Variants in FAM81A observed in about 807,000 individuals in gnomAD.
The protein encoded by FAM81A is protein FAM81A.
A neutral mutation model predicts 46.7 loss-of-function variants in FAM81A; 19 were observed. That is an observed-to-expected ratio of 0.41 (90% CI 0.28 to 0.60). FAM81A has a LOEUF of 0.60. Among genes scored for constraint, FAM81A ranks in the 20% least tolerant of loss-of-function variants. The pLI is 0.34. For missense variants in FAM81A, 377 were observed against 453.5 expected (o/e 0.83, Z 1.53); for synonymous variants, 183 against 152.9 (o/e 1.20, Z -1.45).
intron 3 of FAM81A, among the ~76,000 whole-genome samples, chr15:59,471,845 A>G (rs912128150): frequency 1.3e-5 from 2 of 152,172 alleles, no homozygotes; most frequent in Non-Finnish European, 2.9e-5. Flanking sequence ...TACTAAGGAC[A>G]AGGATTCACT....
At chr15:59,487,693 C>A (rs1289060609) in intron 3 of FAM81A, among the ~76,000 whole-genome samples, 1 of 151,996 alleles carries the variant, frequency 6.6e-6, no homozygotes, top group Admixed American at 6.6e-5. Flanking sequence ...CAACCTACCA[C>A]AATTGAATAA....
chr15:59,512,139 T>C (rs1167551715), intron 6 of FAM81A, among the ~76,000 whole-genome samples: 1 of 151,970 alleles, frequency 6.6e-6, no homozygotes, highest in East Asian at 1.9e-4. Flanking sequence ...GAAAAATGAG[T>C]AGAAAACTCA....
intron 2 of FAM81A, among the ~76,000 whole-genome samples, chr15:59,432,551 CA>C (rs113777542): frequency 4.3e-4 from 66 of 152,314 alleles, no homozygotes; most frequent in African/African-American, 1.5e-3. Context: ...CTGGTACCTA[CA>C]AGGCACAGCT....
At chr15:59,492,817 T>TGAAAAGTGCTATTTTCTC (rs2081995399) in intron 4 of FAM81A, among the ~76,000 whole-genome samples, 1 of 152,212 alleles carries the variant, frequency 6.6e-6, no homozygotes, top group Non-Finnish European at 1.5e-5. Flanking sequence ...CTTCTCAGTA[T>TGAAAAGTGCTATTTTCTC]GAAAAGTGCT....
At chr15:59,495,759 G>A (rs2141770504) in intron 4 of FAM81A, among the ~76,000 whole-genome samples, 1 of 152,286 alleles carries the variant, frequency 6.6e-6, no homozygotes, top group African/African-American at 2.4e-5. Context: ...GCATCCCCCT[G>A]AGGACTAATG....
rs1469158122 is a variant in FAM81A, at chr15:59,516,648, G to A, written c.790G>A (p.Ala264Thr). The A allele has an allele frequency of 1.9e-6, 3 of 1,609,480 alleles. No homozygotes were observed. The African/African-American group carries it at 4.0e-5, about 22-fold the overall frequency. The change falls in exon 8 of 9, where the codon GCC becomes ACC. Residue 264 changes from alanine (A) to threonine (T), a missense_variant. Ala to Thr is a moderately conservative substitution (Grantham distance 58, BLOSUM62 0). Transcript: ENST00000288228. Reference protein sequence around the residue: ...LSLIVKENSGASERDMEKKLS... With the variant: ...LSLIVKENSGTSERDMEKKLS... ...CAGTTCTTATCATGGATCTCAGGGAGCCAGTGAAAGGGATATGGAGAAGAA... is the reference window on the plus strand; with the variant it reads ...CAGTTCTTATCATGGATCTCAGGGAACCAGTGAAAGGGATATGGAGAAGAA...
intron 2 of FAM81A, among the ~76,000 whole-genome samples, chr15:59,431,367 T>C (rs1189211445): frequency 6.6e-6 from 1 of 152,162 alleles, no homozygotes; most frequent in Non-Finnish European, 1.5e-5. Flanking sequence ...CCTGAGTAGC[T>C]GGGATTACAG....
intron 3 of FAM81A, among the ~76,000 whole-genome samples, chr15:59,475,526 G>A (rs1016656207): frequency 2.0e-5 from 3 of 152,126 alleles, no homozygotes; most frequent in East Asian, 1.9e-4. Flanking sequence ...TTTTCCCAAC[G>A]TCCGAAACAC....
chr15:59,421,228 C>T (rs1324550479), intron 2 of FAM81A, among the ~76,000 whole-genome samples: 1 of 152,170 alleles, frequency 6.6e-6, no homozygotes, highest in Non-Finnish European at 1.5e-5. Flanking sequence ...CACACTTCGA[C>T]GGGCAATGTT....
intron 2 of FAM81A, among the ~76,000 whole-genome samples, chr15:59,403,959 C>A (rs527551033): frequency 2.6e-5 from 4 of 151,118 alleles, no homozygotes; most frequent in African/African-American, 9.7e-5. Context: ...TCTCGGCTCA[C>A]TGCAACCTCT....
chr15:59,405,916 G>A (rs1327404851), intron 2 of FAM81A, among the ~76,000 whole-genome samples: 1 of 152,174 alleles, frequency 6.6e-6, no homozygotes, highest in Non-Finnish European at 1.5e-5. Flanking sequence ...GTCTCCTAGG[G>A]CAGCCAGTCT....
Position 59,449,577 on chromosome 15 carries a change from C to T in FAM81A, c.-77-8973C>T, listed in dbSNP as rs570569821. ...CGGGCGGATCACGAGGTCAGGAGATCGAGACCATCCTGGCTAACACAGTGA... is the reference window on the plus strand; with the variant it reads ...CGGGCGGATCACGAGGTCAGGAGATTGAGACCATCCTGGCTAACACAGTGA... On this transcript the variant is annotated intron_variant, in intron 1 of 8. Coordinates refer to ENST00000288228, the MANE Select transcript of FAM81A (RefSeq NM_152450.3). Among the ~76,000 whole-genome samples, 612 of 152,004 alleles carry T rather than the reference C, an allele frequency of 4.0e-3. 1 individual carries two copies. Among genetic ancestry groups the T allele is most frequent in the Non-Finnish European group, 6.4e-3 (435 of 67,956 alleles).
intron 1 of FAM81A, among the ~76,000 whole-genome samples, chr15:59,400,782 A>G (rs922743130): frequency 6.6e-6 from 1 of 152,160 alleles, no homozygotes; most frequent in African/African-American, 2.4e-5. Flanking sequence ...TCATGGGGGA[A>G]GTCTAAACTC....
At chr15:59,401,769 C>G (rs2081071504) in intron 1 of FAM81A, 3 of 611,130 alleles carry the variant, frequency 4.9e-6, no homozygotes, top group Middle Eastern at 4.3e-4. Flanking sequence ...GTCTTTTCAG[C>G]ATTTTTTTTT....
chr15:59,432,962 C>T (rs1367706760), intron 2 of FAM81A, among the ~76,000 whole-genome samples: 4 of 137,372 alleles, frequency 2.9e-5, no homozygotes, highest in African/African-American at 1.0e-4. Flanking sequence ...GGTGAAACCC[C>T]GTCTCTATTA....
intron 1 of FAM81A, among the ~76,000 whole-genome samples, chr15:59,444,693 ACT>A (rs1327727339): frequency 6.6e-6 from 1 of 151,032 alleles, no homozygotes; most frequent in Non-Finnish European, 1.5e-5. Flanking sequence ...CCCGTATTTC[ACT>A]CTTTCTGTCT....
At chr15:59,425,243 A>G (rs1373569971) in intron 2 of FAM81A, among the ~76,000 whole-genome samples, 1 of 152,180 alleles carries the variant, frequency 6.6e-6, no homozygotes, top group African/African-American at 2.4e-5. Context: ...AGTGCCTGAT[A>G]CAGTCTAGGT....
intron 1 of FAM81A, chr15:59,402,042 T>TGC: frequency 1.8e-6 from 1 of 558,734 alleles, no homozygotes; most frequent in Non-Finnish European, 3.2e-6. Context: ...GCCCCTGGGG[T>TGC]GCGAAAAACG....
chr15:59,490,564 G>T (rs2081969988), intron 3 of FAM81A, among the ~76,000 whole-genome samples: 1 of 152,164 alleles, frequency 6.6e-6, no homozygotes, highest in Admixed American at 6.5e-5. Context: ...GAGTGCAGCG[G>T]CTCACACCTG....
Sources: gnomAD v4.1 joint callset for allele counts (sites outside exome capture counted in the v4.1 genomes callset) on GRCh38, gnomAD v4.1.1 for gene constraint, MANE v1.5 for transcripts, NCBI Gene and HGNC (gene_info 2026-07-23, HGNC 2026-07-21) for gene names.